Variants in CCDC148 observed in about 807,000 individuals in gnomAD.
CCDC148 encodes coiled-coil domain containing 148.
In CCDC148, 89 loss-of-function variants were observed where a neutral mutation model predicts 85.7. That is an observed-to-expected ratio of 1.04 (90% CI 0.87 to 1.24). The LOEUF is 1.24. CCDC148 is among the 50% of genes most tolerant of loss of function. The pLI, the probability that CCDC148 is intolerant of heterozygous loss-of-function variation, is 0.00. For missense variants in CCDC148, 692 were observed against 671.7 expected (o/e 1.03, Z -0.33); for synonymous variants, 230 against 213.9 (o/e 1.08, Z -0.66).
intron 9 of CCDC148, among the ~76,000 whole-genome samples, chr2:158,260,003 C>T (rs1210417437): frequency 6.6e-6 from 1 of 151,972 alleles, no homozygotes; most frequent in Non-Finnish European, 1.5e-5. Context: ...GACTTTTTAA[C>T]TACCTACTTT....
intron 7 of CCDC148, among the ~76,000 whole-genome samples, chr2:158,327,659 T>C (rs920450772): frequency 6.6e-6 from 1 of 152,224 alleles, no homozygotes; most frequent in Non-Finnish European, 1.5e-5. Context: ...ATTGCTTCTT[T>C]TCCTCAGAAT....
chr2:158,388,224 G>A (rs1033856178), intron 1 of CCDC148, among the ~76,000 whole-genome samples: 1 of 150,958 alleles, frequency 6.6e-6, no homozygotes, highest in African/African-American at 2.4e-5. Flanking sequence ...AAGCCAGTCA[G>A]TATTTTCTGA....
rs529674190 is a variant in CCDC148, at chr2:158,390,029, T to C, written c.26-31459A>G. 7.2e-5 allele frequency among the ~76,000 whole-genome samples: 11 copies of C among 152,290 alleles called. No individual in the cohort carries two copies. In the South Asian group the frequency reaches 2.3e-3, roughly 32 times the overall value. ...ACTTGTATCAGAGAAAATTCTAGTC[T>C]AATGACTGAAGGTGTCCCACTTTAC... On this transcript the variant is annotated intron_variant, in intron 1 of 13. Coordinates refer to ENST00000283233, the MANE Select transcript of CCDC148 (RefSeq NM_138803.4).
intron 7 of CCDC148, among the ~76,000 whole-genome samples, chr2:158,328,248 C>G (rs1007501322): frequency 8.6e-5 from 13 of 152,002 alleles, no homozygotes; most frequent in East Asian, 1.9e-4. Context: ...CCACCTATGA[C>G]TGAGAACATG....
At chr2:158,296,373 T>C (rs945334983) in intron 9 of CCDC148, among the ~76,000 whole-genome samples, 1 of 152,246 alleles carries the variant, frequency 6.6e-6, no homozygotes, top group Non-Finnish European at 1.5e-5. Context: ...GAAAATCAAC[T>C]GACTTGAGAT....
At chr2:158,340,458 C>G (rs909301629) in intron 4 of CCDC148, 65 bp from the exon 5 acceptor site, 8 of 1,538,450 alleles carry the variant, frequency 5.2e-6, no homozygotes, top group Non-Finnish European at 7.1e-6. Flanking sequence ...AAAAACAGAT[C>G]ATTAGAGTAC....
chr2:158,324,970 A>C (rs1692697856), intron 7 of CCDC148, among the ~76,000 whole-genome samples: 2 of 150,504 alleles, frequency 1.3e-5, no homozygotes, highest in African/African-American at 2.5e-5. Flanking sequence ...CTAAATCCCA[A>C]CTCTCCTTAC....
At chr2:158,263,222 T>C (rs1446962250) in intron 9 of CCDC148, among the ~76,000 whole-genome samples, 2 of 152,042 alleles carry the variant, frequency 1.3e-5, no homozygotes, top group East Asian at 3.9e-4. Flanking sequence ...CTTTAGGGCA[T>C]GTACTCTATG....
At chr2:158,327,643 C>T (rs1692848953) in intron 7 of CCDC148, among the ~76,000 whole-genome samples, 1 of 152,128 alleles carries the variant, frequency 6.6e-6, no homozygotes, top group Non-Finnish European at 1.5e-5. Flanking sequence ...ATAGTCTTCC[C>T]TCATTATTGC....
intron 10 of CCDC148, among the ~76,000 whole-genome samples, chr2:158,237,622 A>G (rs888955859): frequency 4.6e-5 from 7 of 152,024 alleles, no homozygotes; most frequent in African/African-American, 1.7e-4. Context: ...TTTTGGAGAC[A>G]AAAGCAAGAA....
chr2:158,358,331 C>G lies in CCDC148; in HGVS notation c.147+118G>C, dbSNP rs1243527297. 4 of 1,208,458 alleles carry G rather than the reference C, an allele frequency of 3.3e-6. No individual in the cohort carries two copies. The African/African-American group carries it at 6.3e-5, about 19-fold the overall frequency. The allele number at this position is 1,208,458 out of a possible 1,614,324, so 74.9% of individuals were successfully genotyped here. A position where few individuals can be genotyped will look rare whatever the true frequency, so the allele number is the denominator to read the frequency against. ...TAGCTGCTATTCACTATTATTTCTA[C>G]TTGGGAGTTTCTAACAACTATTTGG... On this transcript the variant is annotated intron_variant, in intron 2 of 13. Coordinates refer to ENST00000283233, the MANE Select transcript of CCDC148 (RefSeq NM_138803.4).
intron 9 of CCDC148, among the ~76,000 whole-genome samples, chr2:158,254,781 C>T (rs1243907890): frequency 6.6e-6 from 1 of 151,360 alleles, no homozygotes; most frequent in Non-Finnish European, 1.5e-5. Flanking sequence ...CATTGAATGA[C>T]CTTTGCATAT....
chr2:158,348,173 G>A (rs1215037591), intron 2 of CCDC148, among the ~76,000 whole-genome samples: 3 of 152,014 alleles, frequency 2.0e-5, no homozygotes, highest in Admixed American at 6.6e-5. Flanking sequence ...TATGCACAAA[G>A]CTATTCACTG....
chr2:158,347,966 T>C (rs1288153850), intron 2 of CCDC148, among the ~76,000 whole-genome samples: 2 of 152,094 alleles, frequency 1.3e-5, no homozygotes, highest in Admixed American at 6.5e-5. Flanking sequence ...AAAAACTCAA[T>C]TGTTTAACAA....
intron 10 of CCDC148, among the ~76,000 whole-genome samples, chr2:158,247,099 T>C (rs556672660): frequency 4.6e-5 from 7 of 152,206 alleles, no homozygotes; most frequent in African/African-American, 1.7e-4. Context: ...CGGGTGAAAA[T>C]ACATGCAACC....
At chr2:158,358,417 C>G in intron 2 of CCDC148, 32 bp downstream of exon 2, 13 of 1,583,072 alleles carry the variant, frequency 8.2e-6, no homozygotes, top group Non-Finnish European at 1.1e-5. Context: ...TTTTCTAAAA[C>G]TAGAAAAACA....
Position 158,456,577 on chromosome 2 carries a change from C to T in CCDC148, c.-138G>A, listed in dbSNP as rs573964461. 126 of 1,096,752 alleles carry T rather than the reference C, an allele frequency of 1.1e-4. 1 individual carries two copies. The African/African-American group carries it at 1.9e-3, about 16-fold the overall frequency. The allele number at this position is 1,096,752 out of a possible 1,614,324, so 67.9% of individuals were successfully genotyped here. ...CTTTGACGCCAGGGACAAACCCTAC[C>T]AGGCACAGTTGGGATTGGCAGTAAG... On this transcript the variant is annotated 5_prime_UTR_variant, in exon 1 of 14. It introduces an in-frame stop codon into an upstream open reading frame of the 5' UTR. Transcript: ENST00000283233.
At position 158,338,845 on chromosome 2, in the gene CCDC148, T is replaced by C. The variant is rs1682523860; in HGVS notation, c.645A>G (p.Glu215=). The C allele has an allele frequency of 3.7e-6, 6 of 1,612,720 alleles. No homozygotes were observed. Among genetic ancestry groups the C allele is most frequent in the Non-Finnish European group, 8.5e-7 (1 of 1,179,676 alleles). The change falls in exon 7 of 14, where the codon GAA becomes GAG. Residue 215 remains glutamate, a synonymous_variant. Transcript: ENST00000283233. ...NPLSELPIEL[E]SLECPYPDLK... Reference sequence around the variant, plus strand: ...AATCAGGGTATGGGCATTCCAAACTTTCTAATTCAATGGGCAGTTCACTAA... The same window carrying C: ...AATCAGGGTATGGGCATTCCAAACTCTCTAATTCAATGGGCAGTTCACTAA...
At chr2:158,210,976 A>G (rs1282771934) in intron 11 of CCDC148, among the ~76,000 whole-genome samples, 1 of 150,034 alleles carries the variant, frequency 6.7e-6, no homozygotes, top group Non-Finnish European at 1.5e-5. Flanking sequence ...AAAAAAAAAA[A>G]AGAAACAATG....
Sources: gnomAD v4.1 joint callset for allele counts (sites outside exome capture counted in the v4.1 genomes callset) on GRCh38, gnomAD v4.1.1 for gene constraint, MANE v1.5 for transcripts, NCBI Gene and HGNC (gene_info 2026-07-23, HGNC 2026-07-21) for gene names.